Variants in RNF150 observed in about 807,000 individuals in gnomAD.
The protein encoded by RNF150 is ring finger protein 150.
Under a neutral mutation model 39.3 loss-of-function variants are expected in RNF150, and 24 were observed. That is an observed-to-expected ratio of 0.61 (90% CI 0.44 to 0.86). The LOEUF (loss-of-function observed/expected upper bound fraction) is 0.86. RNF150 is among the 40% of genes least tolerant of loss of function. The pLI is 0.00. For missense variants in RNF150, 502 were observed against 587.8 expected, an observed-to-expected ratio of 0.85 and a Z score of 1.51; for synonymous variants, 255 against 227.3, an observed-to-expected ratio of 1.12 and a Z score of -1.10.
intron 1 of RNF150, among the ~76,000 whole-genome samples, chr4:141,095,039 G>T (rs533747376): frequency 2.0e-5 from 3 of 152,302 alleles, no homozygotes; most frequent in African/African-American, 7.2e-5. Context: ...TCAGAGAGCT[G>T]AGAGTTGAGG....
intron 1 of RNF150, among the ~76,000 whole-genome samples, chr4:141,198,641 C>G (rs997359798): frequency 3.9e-5 from 6 of 152,186 alleles, no homozygotes; most frequent in African/African-American, 1.2e-4. Context: ...CAGAAGTATA[C>G]TTCAGGAAGG....
At chr4:140,925,130 T>C (rs1164140301) in intron 5 of RNF150, among the ~76,000 whole-genome samples, 1 of 152,174 alleles carries the variant, frequency 6.6e-6, no homozygotes, top group Non-Finnish European at 1.5e-5. Flanking sequence ...CATCTGCATT[T>C]CGTTTGTCTG....
intron 6 of RNF150, among the ~76,000 whole-genome samples, chr4:140,900,521 A>C (rs1029261725): frequency 3.3e-5 from 5 of 152,220 alleles, no homozygotes; most frequent in African/African-American, 1.2e-4. Flanking sequence ...CAAGCAAGCA[A>C]GCCATTCTGC....
intron 1 of RNF150, among the ~76,000 whole-genome samples, chr4:141,138,661 T>G (rs1051337602): frequency 2.0e-5 from 3 of 152,196 alleles, no homozygotes; most frequent in Non-Finnish European, 4.4e-5. Flanking sequence ...AGTTGGACAT[T>G]TGGCACCAGG....
intron 1 of RNF150, among the ~76,000 whole-genome samples, chr4:140,981,455 G>A (rs981818920): frequency 1.3e-5 from 2 of 152,056 alleles, no homozygotes; most frequent in African/African-American, 4.8e-5. Context: ...CACTATCTAG[G>A]CCACTCACTT....
rs908804452 is a variant in RNF150, at chr4:140,929,845, C to T, written c.891-3772G>A. ...GGTGGGCCTTATGCAATCATTTGAACGATCTTAAGAGCAAAACTGAGGTTT... is the reference window on the plus strand; with the variant it reads ...GGTGGGCCTTATGCAATCATTTGAATGATCTTAAGAGCAAAACTGAGGTTT... On this transcript the variant is annotated intron_variant, in intron 4 of 6. Transcript: ENST00000515673. Among the ~76,000 whole-genome samples the T allele has an allele frequency of 5.9e-5, 9 of 152,138 alleles. No individual in the cohort carries two copies. In the South Asian group the frequency reaches 8.3e-4, roughly 14 times the overall value.
At chr4:140,998,624 A>G (rs59436874) in intron 1 of RNF150, among the ~76,000 whole-genome samples, 11,547 of 152,294 alleles carry the variant, frequency 0.076, 498 homozygotes, top group Middle Eastern at 0.16. Flanking sequence ...AAGCTGAGCT[A>G]AAGTGGGAGC....
At chr4:141,144,011 A>G (rs752315212) in intron 1 of RNF150, among the ~76,000 whole-genome samples, 14 of 152,126 alleles carry the variant, frequency 9.2e-5, no homozygotes, top group African/African-American at 3.1e-4. Context: ...CTTGCTTTTT[A>G]TACTCTCTGC....
At chr4:140,930,475 G>T (rs772494251) in intron 4 of RNF150, among the ~76,000 whole-genome samples, 1 of 152,082 alleles carries the variant, frequency 6.6e-6, no homozygotes, top group Non-Finnish European at 1.5e-5. Flanking sequence ...TTGCATCTCC[G>T]GGACCTAGAA....
At chr4:140,944,633 C>T (rs1244348076) in intron 4 of RNF150, 2 of 151,960 alleles carry the variant, frequency 1.3e-5, no homozygotes, top group African/African-American at 4.8e-5. Context: ...AGTTGTGACA[C>T]AAGAGTATAA....
Position 140,880,639 on chromosome 4 carries a change from G to GT in RNF150, c.1199-12261dup, listed in dbSNP as rs758690833. On this transcript the variant is annotated intron_variant, in intron 6 of 6. Coordinates refer to ENST00000515673, the MANE Select transcript of RNF150 (RefSeq NM_020724.2). ...CTCCAGTAAAGCCATCTGGTCCTGG[G>GT]TTTTTTTTTGTTTGTTTGTTTGTTT... Among the ~76,000 whole-genome samples the GT allele has an allele frequency of 4.4e-3, 666 of 149,998 alleles. 2 individuals are homozygous for GT. The highest frequency in any genetic ancestry group is 0.017 in the Middle Eastern group (5 of 290).
At chr4:140,905,551 G>GGAA (rs1214746604) in intron 6 of RNF150, among the ~76,000 whole-genome samples, 3 of 152,244 alleles carry the variant, frequency 2.0e-5, no homozygotes, top group Admixed American at 6.5e-5. Flanking sequence ...GAAAAGAAGG[G>GGAA]GAAGAAGATG....
intron 1 of RNF150, among the ~76,000 whole-genome samples, chr4:141,206,646 T>C (rs1728380072): frequency 6.6e-6 from 1 of 152,094 alleles, no homozygotes; most frequent in Admixed American, 6.5e-5. Flanking sequence ...GTGACTGTGT[T>C]ACATGACCTG....
At chr4:140,896,709 CAAACA>C (rs1729966414) in intron 6 of RNF150, among the ~76,000 whole-genome samples, 1 of 41,262 alleles carries the variant, frequency 2.4e-5, no homozygotes, top group African/African-American at 7.2e-5. Flanking sequence ...AACAAAAAAA[CAAACA>C]AACAAACAAA....
At chr4:141,161,810 C>T (rs1051288355) in intron 1 of RNF150, among the ~76,000 whole-genome samples, 4 of 152,222 alleles carry the variant, frequency 2.6e-5, no homozygotes, top group Non-Finnish European at 4.4e-5. Context: ...TTGGCAGCTT[C>T]CATGTGGTGT....
At chr4:140,969,621 T>G (rs1213177424) in intron 1 of RNF150, among the ~76,000 whole-genome samples, 2 of 152,004 alleles carry the variant, frequency 1.3e-5, no homozygotes, top group Non-Finnish European at 2.9e-5. Flanking sequence ...AATAATAATT[T>G]TTCATTTCAT....
chr4:141,174,455 T>C (rs762800583), intron 1 of RNF150, among the ~76,000 whole-genome samples: 13 of 152,180 alleles, frequency 8.5e-5, no homozygotes, highest in Admixed American at 5.2e-4. Flanking sequence ...GAATTTTACT[T>C]AAGCCACTAT....
At chr4:140,904,310 A>G (rs1730296242) in intron 6 of RNF150, among the ~76,000 whole-genome samples, 1 of 152,232 alleles carries the variant, frequency 6.6e-6, no homozygotes, top group Non-Finnish European at 1.5e-5. Flanking sequence ...TCCTGAAGGG[A>G]AGATGACAGT....
At chr4:141,201,879 A>G (rs1026680183) in intron 1 of RNF150, among the ~76,000 whole-genome samples, 2 of 152,084 alleles carry the variant, frequency 1.3e-5, no homozygotes, top group Non-Finnish European at 1.5e-5. Flanking sequence ...AGAATCCCCA[A>G]TGTGATACTA....
Sources: allele counts gnomAD v4.1 joint callset (sites outside exome capture counted in the v4.1 genomes callset), GRCh38; gene constraint gnomAD v4.1.1; transcripts MANE v1.5; gene names NCBI Gene and HGNC (gene_info 2026-07-23, HGNC 2026-07-21).